SGMS1: variants seen among roughly 807,000 people sequenced by gnomAD.
SGMS1 encodes the protein phosphatidylcholine:ceramide cholinephosphotransferase 1.
SGMS1 carries 13 observed loss-of-function variants against 46.2 expected under a neutral mutation model. The ratio of observed to expected loss-of-function variants is 0.28; its 90% CI spans 0.18 to 0.45. The LOEUF is 0.45. Ranked by LOEUF, SGMS1 falls within the 20% of genes least tolerant of loss-of-function variation. SGMS1 has a pLI of 1.00. For missense variants in SGMS1, 324 were observed against 519.9 expected (o/e 0.62, Z 3.66); for synonymous variants, 203 against 187.8 (o/e 1.08, Z -0.66).
At chr10:50,410,318 C>G (rs544980254) in intron 6 of SGMS1, among the ~76,000 whole-genome samples, 4 of 152,292 alleles carry the variant, frequency 2.6e-5, no homozygotes, top group Admixed American at 2.6e-4. Context: ...GGGAAGCCAG[C>G]TGGTCCTTAG....
chr10:50,496,744 C>T (rs1192536721), intron 3 of SGMS1, among the ~76,000 whole-genome samples: 1 of 152,112 alleles, frequency 6.6e-6, no homozygotes. Context: ...GCCTGGCTAC[C>T]ATCTCAAATT....
intron 2 of SGMS1, among the ~76,000 whole-genome samples, chr10:50,559,827 C>A (rs1005109556): frequency 6.6e-6 from 1 of 152,034 alleles, no homozygotes; most frequent in African/African-American, 2.4e-5. Flanking sequence ...AAAATCCATT[C>A]CCTTCTAGGT....
At chr10:50,319,183 T>C (rs910598954) in intron 8 of SGMS1, among the ~76,000 whole-genome samples, 6 of 145,392 alleles carry the variant, frequency 4.1e-5, no homozygotes, top group Admixed American at 1.4e-4. Context: ...AAAAAAAAAT[T>C]GCCCTTGGCT....
upstream of SGMS1, chr10:50,624,543 G>A (rs1289386191): frequency 4.1e-6 from 4 of 970,720 alleles, no homozygotes; most frequent in South Asian, 4.8e-5. Context: ...AGGCGCAAGA[G>A]CTCTAACCGC....
chr10:50,308,281 AG>A, intron 9 of SGMS1, 133 bp from the exon 10 acceptor site: 2 of 756,180 alleles, frequency 2.6e-6, no homozygotes, highest in East Asian at 2.8e-5. Flanking sequence ...AGTGAATCTA[AG>A]GGCTGTCATT....
intron 8 of SGMS1, among the ~76,000 whole-genome samples, chr10:50,313,353 A>T (rs1473994894): frequency 6.6e-6 from 1 of 152,180 alleles, no homozygotes; most frequent in African/African-American, 2.4e-5. Flanking sequence ...TGTCACGTGG[A>T]GACACAAAAG....
chr10:50,431,914 C>T (rs2133616461), intron 6 of SGMS1, among the ~76,000 whole-genome samples: 1 of 152,308 alleles, frequency 6.6e-6, no homozygotes, highest in South Asian at 2.1e-4. Context: ...TGCCAGGGGT[C>T]AGTTATGAAG....
chr10:50,495,949 G>A (rs529134806), intron 3 of SGMS1, among the ~76,000 whole-genome samples: 14 of 152,108 alleles, frequency 9.2e-5, no homozygotes, highest in Non-Finnish European at 1.6e-4. Context: ...TGTTTACAGA[G>A]CTTTTTAAAG....
intron 3 of SGMS1, among the ~76,000 whole-genome samples, chr10:50,519,590 G>A (rs2983347): frequency 1.3e-5 from 2 of 152,016 alleles, no homozygotes; most frequent in Admixed American, 6.6e-5. Flanking sequence ...CTACCACCCC[G>A]GCCCAGATTG....
intron 1 of SGMS1, among the ~76,000 whole-genome samples, 196 bp from the exon 2 acceptor site, chr10:50,590,443 C>T (rs192491677): frequency 9.2e-5 from 14 of 152,140 alleles, no homozygotes; most frequent in African/African-American, 3.4e-4. Flanking sequence ...AACTATCAGC[C>T]CCACCCACTC....
At chr10:50,542,925 C>T (rs1838068572) in intron 2 of SGMS1, among the ~76,000 whole-genome samples, 2 of 150,588 alleles carry the variant, frequency 1.3e-5, no homozygotes, top group South Asian at 2.1e-4. Flanking sequence ...ACACAAGTTA[C>T]CTGCTTCTCA....
intron 4 of SGMS1, among the ~76,000 whole-genome samples, chr10:50,464,772 G>A (rs1837310267): frequency 6.6e-6 from 1 of 152,086 alleles, no homozygotes; most frequent in Non-Finnish European, 1.5e-5. Context: ...TCAGTCTTCT[G>A]ACCCACAAAA....
intron 2 of SGMS1, among the ~76,000 whole-genome samples, chr10:50,529,493 T>G (rs569582703): frequency 6.6e-6 from 1 of 152,276 alleles, no homozygotes; most frequent in East Asian, 1.9e-4. Flanking sequence ...CCGAGGAGGA[T>G]TACTTATTAT....
At chr10:50,471,668 T>C (rs1837379927) in intron 3 of SGMS1, among the ~76,000 whole-genome samples, 1 of 152,200 alleles carries the variant, frequency 6.6e-6, no homozygotes, top group Admixed American at 6.5e-5. Flanking sequence ...GTTTTAGCCT[T>C]TGCAGGTTGC....
intron 6 of SGMS1, among the ~76,000 whole-genome samples, chr10:50,378,699 G>GA (rs1307820618): frequency 6.6e-6 from 1 of 152,182 alleles, no homozygotes; most frequent in East Asian, 1.9e-4. Context: ...AATATTTGCT[G>GA]AATGAATAAG....
At chr10:50,584,042 T>G (rs1838459624) in intron 2 of SGMS1, among the ~76,000 whole-genome samples, 1 of 152,236 alleles carries the variant, frequency 6.6e-6, no homozygotes, top group African/African-American at 2.4e-5. Flanking sequence ...TCCAACTTTG[T>G]AAGAAAACAA....
At chr10:50,390,486 C>G (rs1468642865) in intron 6 of SGMS1, among the ~76,000 whole-genome samples, 1 of 152,192 alleles carries the variant, frequency 6.6e-6, no homozygotes, top group African/African-American at 2.4e-5. Context: ...TTCATGTCAG[C>G]TGGGCGTGGT....
chr10:50,523,583 G>A (rs955567145), intron 2 of SGMS1, among the ~76,000 whole-genome samples: 16 of 152,174 alleles, frequency 1.1e-4, no homozygotes, highest in Non-Finnish European at 2.4e-4. Flanking sequence ...CCTACCCTAA[G>A]TAATGAAAGT....
At chr10:50,474,868 T>C (rs1344749679) in intron 3 of SGMS1, among the ~76,000 whole-genome samples, 1 of 152,110 alleles carries the variant, frequency 6.6e-6, no homozygotes, top group African/African-American at 2.4e-5. Context: ...ATACTGCACT[T>C]TGGGGAGCAG....
Sources: allele counts gnomAD v4.1 joint callset (sites outside exome capture counted in the v4.1 genomes callset), GRCh38; gene constraint gnomAD v4.1.1; transcripts MANE v1.5; gene names NCBI Gene and HGNC (gene_info 2026-07-23, HGNC 2026-07-21).